ZNF561: variants seen among roughly 807,000 people sequenced by gnomAD.
The protein encoded by ZNF561 is zinc finger protein 561.
Under a neutral mutation model 16.7 loss-of-function variants are expected in ZNF561, and 16 were observed. The observed-to-expected ratio is 0.96, with a 90% CI of 0.65 to 1.45. ZNF561 has a LOEUF of 1.45. Ranked by LOEUF, ZNF561 falls within the 40% of genes most tolerant of loss-of-function variation. ZNF561 has a pLI of 0.00. For synonymous variants in ZNF561, 190 were observed against 192.1 expected (o/e 0.99, Z 0.09); for missense variants, 580 against 578.0 (o/e 1.00, Z -0.04).
chr19:9,613,064 T>C (rs943042323), intron 5 of ZNF561, among the ~76,000 whole-genome samples: 7 of 152,206 alleles, frequency 4.6e-5, no homozygotes, highest in Non-Finnish European at 1.5e-5. Context: ...GTGCTGGGAT[T>C]ACAGGTGTCA....
At position 9,617,275 on chromosome 19, in the gene ZNF561, A is replaced by G. The variant is rs530303574; in HGVS notation, c.115-104T>C. The G allele has an allele frequency of 1.9e-4, 282 of 1,448,270 alleles. 5 individuals are homozygous for G. In the South Asian group the frequency reaches 3.9e-3, roughly 20 times the overall value. 89.7% of individuals were successfully genotyped at this position (1,448,270 alleles called of 1,614,324 possible). On this transcript the variant is annotated intron_variant, in intron 3 of 5. Coordinates refer to ENST00000302851, the MANE Select transcript of ZNF561 (RefSeq NM_152289.3). ...TTATACTCACTTACACGTGGTTGTC[A>G]GGTCTCCCATGATCTACTCCAGGGT...
intron 5 of ZNF561, among the ~76,000 whole-genome samples, chr19:9,612,481 T>C (rs1364042285): frequency 6.6e-6 from 1 of 151,914 alleles, no homozygotes; most frequent in Non-Finnish European, 1.5e-5. Context: ...ACCTCCCAAA[T>C]TGCTGGGATT....
intron 1 of ZNF561, among the ~76,000 whole-genome samples, chr19:9,620,022 G>A (rs1321600628): frequency 2.0e-5 from 3 of 151,610 alleles, no homozygotes; most frequent in East Asian, 1.9e-4. Context: ...TAGACTTCCC[G>A]GGCTCAAGTG....
intron 4 of ZNF561, among the ~76,000 whole-genome samples, chr19:9,616,517 G>A (rs1036955830): frequency 6.6e-6 from 1 of 152,074 alleles, no homozygotes. Flanking sequence ...CTGACCGCAT[G>A]TGATCTGCCC....
chr19:9,613,987 G>C, intron 5 of ZNF561, 34 bp downstream of exon 5: 1 of 1,605,720 alleles, frequency 6.2e-7, no homozygotes. Context: ...TTTTCTAAGA[G>C]AGGAAATTAA....
chr19:9,612,765 T>C (rs1175724027), intron 5 of ZNF561, among the ~76,000 whole-genome samples: 1 of 152,190 alleles, frequency 6.6e-6, no homozygotes, highest in Non-Finnish European at 1.5e-5. Context: ...GCTCTAATTG[T>C]TCAAAAAAAG....
At chr19:9,619,946 C>CTATCTATCT (rs568032702) in intron 1 of ZNF561, among the ~76,000 whole-genome samples, 1 of 151,324 alleles carries the variant, frequency 6.6e-6, no homozygotes, top group African/African-American at 2.4e-5. Context: ...ATCTATCTAT[C>CTATCTATCT]GAGACAGGGT....
intron 3 of ZNF561, 72 bp downstream of exon 3, chr19:9,618,019 G>T (rs1320392167): frequency 2.2e-6 from 3 of 1,388,346 alleles, no homozygotes; most frequent in Non-Finnish European, 2.0e-6. Context: ...AGATGAGTCT[G>T]TCTAGAAAGA....
rs1351414682 is a variant in ZNF561 at position 9,610,414 on chromosome 19, C to G, written c.1247G>C (p.Ser416Thr). ...SRRSKHLKTH[S>T]GEKPFVCKIC... ...CTTGCATACAAAGGGCTTTTCTCCA[C>G]TATGAGTTTTCAAATGTTTACTACG... The change falls in exon 6 of 6, where the codon AGT (serine) becomes ACT (threonine). Residue 416 changes from serine (S) to threonine (T), a missense_variant. By Grantham distance (58) the Ser-to-Thr change is moderately conservative. Coordinates refer to ENST00000302851, the MANE Select transcript of ZNF561 (RefSeq NM_152289.3). 1.2e-6 allele frequency: 2 copies of G among 1,612,666 alleles called. No individual in the cohort carries two copies. Among genetic ancestry groups the G allele is most frequent in the Non-Finnish European group, 1.7e-6 (2 of 1,179,004 alleles).
intron 3 of ZNF561, chr19:9,617,800 T>G: frequency 2.1e-6 from 1 of 486,762 alleles, no homozygotes; most frequent in South Asian, 1.5e-5. Context: ...AAAAGGACAC[T>G]TTCATCTGCT....
At chr19:9,615,860 G>A (rs1427037540) in intron 4 of ZNF561, among the ~76,000 whole-genome samples, 1 of 151,888 alleles carries the variant, frequency 6.6e-6, no homozygotes, top group Non-Finnish European at 1.5e-5. Context: ...TTACACTCTA[G>A]CCTGGGTGAT....
chr19:9,607,856 T>C lies in ZNF561; in HGVS notation c.*2344A>G, dbSNP rs896293207. The C allele has an allele frequency of 6.6e-6, 1 of 152,104 alleles. No homozygotes were observed. The highest frequency in any genetic ancestry group is 1.5e-5 in the Non-Finnish European group (1 of 68,020). The allele number at this position is 152,104 out of a possible 1,614,324, so 9.4% of individuals were successfully genotyped here. ...GAAGCTCCAAATCCCAATGTGACTG[T>C]ATGTGAAAATAGGGTTTTTTAGTTT... On this transcript the variant is annotated 3_prime_UTR_variant, in exon 6 of 6. Coordinates refer to ENST00000302851, the MANE Select transcript of ZNF561 (RefSeq NM_152289.3).
intron 2 of ZNF561, 150 bp downstream of exon 2, chr19:9,619,279 AAAT>A: frequency 2.1e-6 from 1 of 471,952 alleles, no homozygotes; most frequent in East Asian, 3.8e-5. Context: ...ATAAATAAAT[AAAT>A]AATAAAACAG....
rs1182206278 is a variant in ZNF561, at chr19:9,608,070, A to T, written c.*2130T>A. On this transcript the variant is annotated 3_prime_UTR_variant, in exon 6 of 6. Transcript: ENST00000302851. ...GTATTTGTAGTAGAGACAGGGTTTC[A>T]CCGTGTTAACTAGGACAGTCTCGAT... 1 of 152,076 alleles carries T rather than the reference A, an allele frequency of 6.6e-6. No individual in the cohort carries two copies. Among genetic ancestry groups the T allele is most frequent in the Non-Finnish European group, 1.5e-5 (1 of 68,060 alleles). The allele number at this position is 152,076 out of a possible 1,614,324, so 9.4% of individuals were successfully genotyped here. A position where few individuals can be genotyped will look rare whatever the true frequency, so the allele number is the denominator to read the frequency against.
chr19:9,610,157 T>C lies in ZNF561; in HGVS notation c.*43A>G. On this transcript the variant is annotated 3_prime_UTR_variant, in exon 6 of 6. Coordinates refer to ENST00000302851, the MANE Select transcript of ZNF561 (RefSeq NM_152289.3). Reference sequence around the variant, plus strand: ...AAGGCATTTAGGACAAATCTGATAATCTTTGGTGTCATTGCCAATAATTAA... The same window carrying C: ...AAGGCATTTAGGACAAATCTGATAACCTTTGGTGTCATTGCCAATAATTAA... 6.6e-7 allele frequency: 1 copy of C among 1,505,412 alleles called. No homozygotes were observed. Among genetic ancestry groups the C allele is most frequent in the Non-Finnish European group, 8.9e-7 (1 of 1,120,352 alleles). 93.3% of individuals were successfully genotyped at this position (1,505,412 alleles called of 1,614,324 possible).
At chr19:9,618,909 G>C (rs2074608252) in intron 2 of ZNF561, among the ~76,000 whole-genome samples, 1 of 152,000 alleles carries the variant, frequency 6.6e-6, no homozygotes, top group South Asian at 2.1e-4. Context: ...TTGAGGTCAG[G>C]AATTTGAGAC....
chr19:9,618,213 A>C, intron 2 of ZNF561, 34 bp from the exon 3 acceptor site: 2 of 1,528,430 alleles, frequency 1.3e-6, no homozygotes, highest in South Asian at 2.4e-5. Flanking sequence ...GAGAAGCCAG[A>C]GCTGCCCATC....
chr19:9,619,884 T>TCTATATATCTAC (rs2074632468), intron 1 of ZNF561, among the ~76,000 whole-genome samples: 1 of 142,236 alleles, frequency 7.0e-6, no homozygotes, highest in East Asian at 2.0e-4. Context: ...TATCTATCTA[T>TCTATATATCTAC]CTATATATCT....
chr19:9,621,025 G>T (rs2074664580), intron 1 of ZNF561, 137 bp downstream of exon 1: 1 of 152,374 alleles, frequency 6.6e-6, no homozygotes, highest in African/African-American at 2.4e-5. Flanking sequence ...CTCCGAACTG[G>T]ACGCACAGGG....
Sources: gnomAD v4.1 joint callset for allele counts (sites outside exome capture counted in the v4.1 genomes callset) on GRCh38, gnomAD v4.1.1 for gene constraint, MANE v1.5 for transcripts, NCBI Gene and HGNC (gene_info 2026-07-23, HGNC 2026-07-21) for gene names.